DPYD: variants seen among roughly 807,000 people sequenced by gnomAD.
DPYD encodes dihydropyrimidine dehydrogenase [NADP(+)].
Under a neutral mutation model 116.2 loss-of-function variants are expected in DPYD, and 109 were observed. The ratio of observed to expected loss-of-function variants is 0.94; its 90% CI spans 0.80 to 1.10. DPYD has a LOEUF of 1.10. Ranked by LOEUF, DPYD falls within the 50% of genes least tolerant of loss-of-function variation. DPYD has a pLI of 0.00. For missense variants in DPYD, 1,302 were observed against 1,254.5 expected (o/e 1.04, Z -0.57); for synonymous variants, 440 against 432.0 (o/e 1.02, Z -0.23).
At chr1:97,547,169 G>A (rs2102074615) in intron 12 of DPYD, among the ~76,000 whole-genome samples, 1 of 152,264 alleles carries the variant, frequency 6.6e-6, no homozygotes, top group South Asian at 2.1e-4. Context: ...AACCTTTCAA[G>A]TATGGGATGG....
intron 11 of DPYD, among the ~76,000 whole-genome samples, chr1:97,566,865 C>T (rs1178087738): frequency 6.6e-6 from 1 of 152,090 alleles, no homozygotes; most frequent in Non-Finnish European, 1.5e-5. Flanking sequence ...AATGTTCTAG[C>T]ATTCTCAATT....
intron 2 of DPYD, among the ~76,000 whole-genome samples, chr1:97,847,329 C>T (rs1670355373): frequency 6.6e-6 from 1 of 152,042 alleles, no homozygotes; most frequent in Admixed American, 6.6e-5. Context: ...AACATACAAA[C>T]TGAAAATAAA....
At chr1:97,619,258 A>C (rs1656489669) in intron 8 of DPYD, among the ~76,000 whole-genome samples, 1 of 152,210 alleles carries the variant, frequency 6.6e-6, no homozygotes, top group Admixed American at 6.5e-5. Flanking sequence ...GCCTAATAAC[A>C]TTATTTCTAC....
chr1:97,280,743 TA>T (rs1044376490), intron 18 of DPYD, among the ~76,000 whole-genome samples: 4 of 150,952 alleles, frequency 2.6e-5, no homozygotes, highest in Non-Finnish European at 4.4e-5. Flanking sequence ...TGGGGAGGGG[TA>T]GGGGGAGCAG....
intron 13 of DPYD, among the ~76,000 whole-genome samples, chr1:97,513,055 A>G (rs1291778253): frequency 6.6e-6 from 1 of 151,834 alleles, no homozygotes; most frequent in Non-Finnish European, 1.5e-5. Context: ...TAGACTGCAC[A>G]GTAAAGAATA....
In DPYD at chr1:97,326,544, C is replaced by CAG. The variant is rs1426047787; in HGVS notation, c.2059-20249_2059-20248dup. 5.3e-5 allele frequency among the ~76,000 whole-genome samples: 8 copies of CAG among 151,782 alleles called. No individual in the cohort carries two copies. In the East Asian group the frequency reaches 1.4e-3, roughly 26 times the overall value. On this transcript the variant is annotated intron_variant, in intron 16 of 22. Coordinates refer to ENST00000370192, the MANE Select transcript of DPYD (RefSeq NM_000110.4). ...TAAGGTGCAGAATCCTTATAATGGT[C>CAG]AGAGAGAGAGGAGAACAACCAGGAA...
At chr1:97,756,210 G>T (rs986335864) in intron 3 of DPYD, among the ~76,000 whole-genome samples, 1 of 152,088 alleles carries the variant, frequency 6.6e-6, no homozygotes, top group African/African-American at 2.4e-5. Context: ...TAAATATTAC[G>T]TGCATCTATT....
At chr1:97,526,696 C>T (rs1168244330) in intron 12 of DPYD, among the ~76,000 whole-genome samples, 1 of 152,064 alleles carries the variant, frequency 6.6e-6, no homozygotes, top group Non-Finnish European at 1.5e-5. Context: ...TTCAAGAGAA[C>T]AGACCGTTTA....
At chr1:97,612,913 T>A (rs918002737) in intron 8 of DPYD, among the ~76,000 whole-genome samples, 7 of 152,132 alleles carry the variant, frequency 4.6e-5, no homozygotes, top group South Asian at 4.1e-4. Flanking sequence ...ACATGGATGT[T>A]TTTTCATTAA....
chr1:97,177,330 C>T (rs1405966233), intron 20 of DPYD, among the ~76,000 whole-genome samples: 3 of 152,106 alleles, frequency 2.0e-5, no homozygotes, highest in Admixed American at 1.3e-4. Flanking sequence ...GAATGTCACA[C>T]AGATTTTGCA....
chr1:97,284,817 T>G (rs143367997), intron 18 of DPYD, among the ~76,000 whole-genome samples: 5 of 152,334 alleles, frequency 3.3e-5, no homozygotes, highest in African/African-American at 1.2e-4. Flanking sequence ...CAATTTTCCA[T>G]GATCTCAATT....
chr1:97,589,290 G>C (rs1388544626), intron 10 of DPYD, among the ~76,000 whole-genome samples: 1 of 152,134 alleles, frequency 6.6e-6, no homozygotes, highest in African/African-American at 2.4e-5. Context: ...TAAGCTTTGT[G>C]CCCCCACTCA....
intron 20 of DPYD, among the ~76,000 whole-genome samples, chr1:97,112,696 T>C (rs1441449523): frequency 2.6e-5 from 4 of 152,152 alleles, no homozygotes; most frequent in African/African-American, 9.7e-5. Context: ...ATCATATTCA[T>C]GACACTGTGG....
chr1:97,585,433 C>G (rs1017691912), intron 10 of DPYD, among the ~76,000 whole-genome samples: 1 of 152,210 alleles, frequency 6.6e-6, no homozygotes, highest in South Asian at 2.1e-4. Context: ...AAGTACACCT[C>G]TAAGACTTTA....
intron 16 of DPYD, among the ~76,000 whole-genome samples, chr1:97,344,639 T>G (rs905278311): frequency 6.6e-6 from 1 of 151,666 alleles, no homozygotes; most frequent in African/African-American, 2.4e-5. Context: ...CGAAAATTGC[T>G]TTACTTTTTC....
At chr1:97,091,908 T>C (rs1040974714) in intron 21 of DPYD, among the ~76,000 whole-genome samples, 1 of 152,162 alleles carries the variant, frequency 6.6e-6, no homozygotes, top group African/African-American at 2.4e-5. Context: ...ATCATATCAG[T>C]CTTCCTTTCT....
intron 20 of DPYD, among the ~76,000 whole-genome samples, chr1:97,158,056 A>G (rs576901780): frequency 6.6e-6 from 1 of 152,214 alleles, no homozygotes; most frequent in East Asian, 1.9e-4. Context: ...TCCTCAGTTA[A>G]CAAAAATGAC....
intron 11 of DPYD, among the ~76,000 whole-genome samples, chr1:97,562,636 T>C (rs1236686677): frequency 2.0e-5 from 3 of 152,196 alleles, no homozygotes; most frequent in East Asian, 1.9e-4. Context: ...TACATTTGAA[T>C]TGAGTAGCTT....
chr1:97,863,021 G>C (rs1671199261), intron 2 of DPYD, among the ~76,000 whole-genome samples: 1 of 151,806 alleles, frequency 6.6e-6, no homozygotes, highest in Non-Finnish European at 1.5e-5. Flanking sequence ...TATCCAAGCT[G>C]TAATCATTAT....
Sources: gnomAD v4.1 joint callset for allele counts (sites outside exome capture counted in the v4.1 genomes callset) on GRCh38, gnomAD v4.1.1 for gene constraint, MANE v1.5 for transcripts, NCBI Gene and HGNC (gene_info 2026-07-23, HGNC 2026-07-21) for gene names.